Variants in PEX14 observed in about 807,000 individuals in gnomAD.
The protein encoded by PEX14 is peroxisomal membrane protein PEX14.
In PEX14, 15 loss-of-function variants were observed where a neutral mutation model predicts 49.5. The observed-to-expected ratio is 0.30, with a 90% confidence interval of 0.20 to 0.47. The LOEUF is 0.47. PEX14 is among the 20% of genes least tolerant of loss of function. PEX14 has a pLI of 1.00. For synonymous variants in PEX14, 210 were observed against 212.7 expected (o/e 0.99, Z 0.11); for missense variants, 398 against 494.8 (o/e 0.80, Z 1.86).
rs1570324027 is a variant in PEX14, at chr1:10,595,604, T to G, written c.170-3634T>G. ...AGAACATTTGGGGCTTTATTAAAAT[T>G]GACTAATTCTTCCAAAGATAGCAGC... On this transcript the variant is annotated intron_variant, in intron 3 of 8. Transcript: ENST00000356607. 3.9e-5 allele frequency among the ~76,000 whole-genome samples: 6 copies of G among 152,310 alleles called. No homozygotes were observed. The South Asian group carries it at 1.2e-3, about 32-fold the overall frequency.
At chr1:10,538,589 G>A (rs1322043073) in intron 3 of PEX14, among the ~76,000 whole-genome samples, 6 of 152,180 alleles carry the variant, frequency 3.9e-5, no homozygotes, top group South Asian at 2.1e-4. Flanking sequence ...AGGTTTGATC[G>A]GTGTCTGGGG....
intron 4 of PEX14, among the ~76,000 whole-genome samples, chr1:10,614,615 CT>C (rs1438681514): frequency 9.2e-5 from 14 of 152,232 alleles, no homozygotes; most frequent in Non-Finnish European, 1.9e-4. Flanking sequence ...ATCCAGCAAA[CT>C]CCAGGTGCTG....
chr1:10,583,684 G>T (rs1484215183), intron 3 of PEX14, among the ~76,000 whole-genome samples: 1 of 151,700 alleles, frequency 6.6e-6, no homozygotes, highest in African/African-American at 2.4e-5. Flanking sequence ...GAGCAATAGA[G>T]GATTCTTCTT....
chr1:10,487,840 G>T (rs1016112651), intron 1 of PEX14, among the ~76,000 whole-genome samples: 1 of 151,860 alleles, frequency 6.6e-6, no homozygotes, highest in African/African-American at 2.4e-5. Flanking sequence ...GAGTGCAGTG[G>T]CTCGATCTCG....
chr1:10,477,299 T>TGACCTCATGATCCGCC (rs1368959194), intron 1 of PEX14, among the ~76,000 whole-genome samples: 1 of 152,048 alleles, frequency 6.6e-6, no homozygotes, highest in Non-Finnish European at 1.5e-5. Flanking sequence ...CTTGATCTCC[T>TGACCTCATGATCCGCC]GACCTCATGA....
chr1:10,479,481 G>A (rs962026630), intron 1 of PEX14, among the ~76,000 whole-genome samples: 3 of 152,190 alleles, frequency 2.0e-5, no homozygotes, highest in East Asian at 3.9e-4. Flanking sequence ...TTTCTAGTGT[G>A]TACACGTTGG....
intron 4 of PEX14, among the ~76,000 whole-genome samples, chr1:10,609,147 G>T (rs1271078044): frequency 6.6e-6 from 1 of 152,104 alleles, no homozygotes; most frequent in African/African-American, 2.4e-5. Flanking sequence ...ACCTCATTTT[G>T]TCCATCAGTT....
intron 3 of PEX14, among the ~76,000 whole-genome samples, chr1:10,582,062 G>T (rs1381091142): frequency 6.6e-6 from 1 of 151,778 alleles, no homozygotes; most frequent in African/African-American, 2.4e-5. Flanking sequence ...TTGTAAACTT[G>T]TCTCTAGTTC....
chr1:10,510,123 C>G (rs903175686), intron 2 of PEX14, among the ~76,000 whole-genome samples: 3 of 152,094 alleles, frequency 2.0e-5, no homozygotes, highest in African/African-American at 7.2e-5. Flanking sequence ...TTGACTAGAT[C>G]GATCCTTTCC....
At chr1:10,497,204 G>A (rs1335133035) in intron 2 of PEX14, among the ~76,000 whole-genome samples, 1 of 152,332 alleles carries the variant, frequency 6.6e-6, no homozygotes, top group East Asian at 1.9e-4. Flanking sequence ...TGAGTCGCGT[G>A]GTCTTGTGTG....
chr1:10,602,358 C>G (rs917384322), intron 4 of PEX14, among the ~76,000 whole-genome samples: 1 of 151,834 alleles, frequency 6.6e-6, no homozygotes, highest in African/African-American at 2.4e-5. Context: ...CATTGCTCCT[C>G]TCACTCCGGG....
At chr1:10,479,478 TG>T (rs1641248797) in intron 1 of PEX14, among the ~76,000 whole-genome samples, 1 of 152,152 alleles carries the variant, frequency 6.6e-6, no homozygotes, top group Non-Finnish European at 1.5e-5. Context: ...TCCTTTCTAG[TG>T]TGTACACGTT....
chr1:10,606,867 AG>A (rs576718565), intron 4 of PEX14, among the ~76,000 whole-genome samples: 8 of 152,332 alleles, frequency 5.3e-5, no homozygotes, highest in South Asian at 2.1e-4. Context: ...ATTTTTTAAA[AG>A]TCTTATTGAG....
intron 3 of PEX14, among the ~76,000 whole-genome samples, chr1:10,586,454 T>TA (rs1640488971): frequency 1.3e-5 from 2 of 151,974 alleles, no homozygotes; most frequent in Admixed American, 1.3e-4. Context: ...GCATTTCCCC[T>TA]AAAAAAATAC....
At chr1:10,607,601 T>G (rs1194858942) in intron 4 of PEX14, among the ~76,000 whole-genome samples, 1 of 152,228 alleles carries the variant, frequency 6.6e-6, no homozygotes, top group East Asian at 1.9e-4. Context: ...TGCTGGTATC[T>G]CATGGTGGTT....
chr1:10,628,208 C>T lies in PEX14; in HGVS notation c.677+845C>T, dbSNP rs529567190. On this transcript the variant is annotated intron_variant, in intron 8 of 8. Coordinates refer to ENST00000356607, the MANE Select transcript of PEX14 (RefSeq NM_004565.3). This position sits in a 1 kb window ranked among gnomAD's most constrained non-coding sequence, Gnocchi z 4.5. ...ATGGCCTCCCAAAGTGCTGGGATTA[C>T]AGGTGTGAGCCACTGTGCCTGGACT... 2.6e-5 allele frequency among the ~76,000 whole-genome samples: 4 copies of T among 152,374 alleles called. No individual in the cohort carries two copies. In the South Asian group the frequency reaches 8.3e-4, roughly 32 times the overall value.
intron 1 of PEX14, among the ~76,000 whole-genome samples, chr1:10,481,182 G>A (rs2124371061): frequency 6.7e-6 from 1 of 148,754 alleles, no homozygotes; most frequent in Non-Finnish European, 1.5e-5. Context: ...CTGTTGCCCA[G>A]GCTGGAGTGC....
intron 2 of PEX14, among the ~76,000 whole-genome samples, chr1:10,527,923 G>A (rs1404588068): frequency 1.3e-5 from 2 of 152,112 alleles, no homozygotes; most frequent in Non-Finnish European, 2.9e-5. Flanking sequence ...CACTCGCCTC[G>A]GCCTCCCAAA....
rs116157108 is a variant in PEX14 at position 10,621,082 on chromosome 1, C to T, written c.385-1937C>T. On this transcript the variant is annotated intron_variant, in intron 5 of 8. Coordinates refer to ENST00000356607, the MANE Select transcript of PEX14 (RefSeq NM_004565.3). ...ACGGAGCTGCCACTTGTAGTTTCTA[C>T]GAAGCTCTGGGCTCTCCGCTCTGTT... is the stretch of plus-strand genomic sequence containing the variant. Among the ~76,000 whole-genome samples, 823 of 151,856 alleles carry T rather than the reference C, an allele frequency of 5.4e-3. 9 individuals are homozygous for T. Among genetic ancestry groups the T allele is most frequent in the African/African-American group, 0.018 (760 of 41,384 alleles).
Sources: gnomAD v4.1 joint callset for allele counts (sites outside exome capture counted in the v4.1 genomes callset) on GRCh38, gnomAD v4.1.1 for gene constraint, Gnocchi (gnomAD v3.1) non-coding constraint, MANE v1.5 for transcripts, NCBI Gene and HGNC (gene_info 2026-07-23, HGNC 2026-07-21) for gene names.